The following INTS13 variants were observed in gnomAD, a reference collection of about 807,000 sequenced individuals.
The protein encoded by INTS13 is asunder, spermatogenesis regulator homolog (Drosphila).
A neutral mutation model predicts 90.2 loss-of-function variants in INTS13; 35 were observed. That is an observed-to-expected ratio of 0.39 (90% confidence interval 0.30 to 0.51). The LOEUF (loss-of-function observed/expected upper bound fraction) is 0.51, where lower values mean the gene tolerates loss of function less well. Among genes scored for constraint, INTS13 ranks in the 20% least tolerant of loss-of-function variants. The pLI is 0.80. For missense variants in INTS13, 601 were observed against 851.2 expected, an observed-to-expected ratio of 0.71 and a Z score of 3.66; for synonymous variants, 309 against 277.1, an observed-to-expected ratio of 1.11 and a Z score of -1.14.
chr12:26,934,661 C>G, intron 2 of INTS13, 31 bp from the exon 3 acceptor site: 1 of 1,464,836 alleles, frequency 6.8e-7, no homozygotes, highest in Non-Finnish European at 9.5e-7. Context: ...AATTAGTATT[C>G]AACTCTAATT....
At chr12:26,914,662 G>T in intron 11 of INTS13, 84 bp from the exon 12 acceptor site, 1 of 1,142,688 alleles carries the variant, frequency 8.8e-7, no homozygotes, top group Non-Finnish European at 1.2e-6. Context: ...TTTCCCTGAT[G>T]TCTTCTGTCC....
chr12:26,911,184 A>C lies in INTS13; in HGVS notation c.1939T>G (p.Ser647Ala), dbSNP rs1454453897. The C allele has an allele frequency of 1.9e-6, 3 of 1,612,222 alleles. No homozygotes were observed. The highest frequency in any genetic ancestry group is 2.5e-6 in the Non-Finnish European group (3 of 1,179,534). Residue 647 changes from serine to alanine, a missense_variant, in exon 15 of 17, where the codon TCA (serine) becomes GCA (alanine). Coordinates refer to ENST00000261191, the MANE Select transcript of INTS13 (RefSeq NM_018164.3). ...TACCACAGCTGTACCTTACCTTTTG[A>C]TTTTTCCACTTGTGGAGTTTCATCC... ...EMDETPQVEKSKGPVSLLSLW... is the reference protein window; with the variant it reads ...EMDETPQVEKAKGPVSLLSLW...
chr12:26,920,642 CTTAGCCT>C (rs1313392294), intron 8 of INTS13, among the ~76,000 whole-genome samples: 3 of 152,190 alleles, frequency 2.0e-5, no homozygotes, highest in East Asian at 3.9e-4. Flanking sequence ...ATCCACCTGC[CTTAGCCT>C]CCCAAAGTGC....
Position 26,916,035 on chromosome 12 carries a change from T to A in INTS13, c.1215A>T (p.Gly405=). 1 of 1,613,506 alleles carries A rather than the reference T, an allele frequency of 6.2e-7. No individual in the cohort carries two copies. Residue 405 remains glycine (G), a synonymous_variant, in exon 11 of 17, where the codon GGA becomes GGT. Coordinates refer to ENST00000261191, the MANE Select transcript of INTS13 (RefSeq NM_018164.3). ...GGTAGTCTGTAACTCTTCCTCCACA[T>A]CCTTCACTAATTGAAGGTGGATCTT... is the stretch of plus-strand genomic sequence containing the variant. ...ILEDPPSISE[G]CGGRVTDYRI...
intron 14 of INTS13, among the ~76,000 whole-genome samples, chr12:26,913,105 T>C (rs895585458): frequency 2.0e-5 from 3 of 152,150 alleles, no homozygotes; most frequent in Non-Finnish European, 2.9e-5. Flanking sequence ...GCCAAATGCC[T>C]GGCACATCAT....
intron 14 of INTS13, 49 bp downstream of exon 14, chr12:26,913,408 G>T: frequency 7.4e-7 from 1 of 1,342,694 alleles, no homozygotes. Context: ...TATGCAGAAT[G>T]TGATATAACA....
chr12:26,929,279 T>G (rs1938058178), intron 3 of INTS13, among the ~76,000 whole-genome samples: 1 of 152,128 alleles, frequency 6.6e-6, no homozygotes, highest in South Asian at 2.1e-4. Context: ...AGGACACCTA[T>G]GAAAAACCTA....
At chr12:26,913,794 T>A (rs1276642295) in intron 13 of INTS13, 107 bp from the exon 14 acceptor site, 1 of 1,172,408 alleles carries the variant, frequency 8.5e-7, no homozygotes, top group Non-Finnish European at 1.2e-6. Flanking sequence ...TCTTACTTGG[T>A]ACTTAATAGT....
chr12:26,933,685 C>T (rs1938316479), intron 3 of INTS13, among the ~76,000 whole-genome samples: 1 of 152,032 alleles, frequency 6.6e-6, no homozygotes, highest in South Asian at 2.1e-4. Context: ...GTGCAGTGGG[C>T]CTAGAAAGCA....
chr12:26,913,906 G>C, intron 13 of INTS13, 68 bp downstream of exon 13: 1 of 1,418,952 alleles, frequency 7.0e-7, no homozygotes, highest in Non-Finnish European at 9.6e-7. Flanking sequence ...TATGGAATAA[G>C]TTATCTTGAG....
intron 11 of INTS13, among the ~76,000 whole-genome samples, chr12:26,915,568 ATC>A (rs1424390823): frequency 6.6e-6 from 1 of 152,194 alleles, no homozygotes; most frequent in South Asian, 2.1e-4. Context: ...AGAATGAAAA[ATC>A]AAGATTAGAA....
At chr12:26,927,159 T>G (rs1937921424) in intron 5 of INTS13, among the ~76,000 whole-genome samples, 3 of 152,236 alleles carry the variant, frequency 2.0e-5, no homozygotes, top group African/African-American at 7.2e-5. Flanking sequence ...AAAACTGAAG[T>G]GTTTCCCTGA....
intron 11 of INTS13, among the ~76,000 whole-genome samples, chr12:26,915,576 T>C (rs1444492122): frequency 6.6e-6 from 1 of 152,086 alleles, no homozygotes; most frequent in African/African-American, 2.4e-5. Flanking sequence ...AAATCAAGAT[T>C]AGAACAGAAT....
chr12:26,920,502 G>A (rs1592213920), intron 8 of INTS13, among the ~76,000 whole-genome samples: 2 of 151,682 alleles, frequency 1.3e-5, no homozygotes, highest in East Asian at 2.0e-4. Flanking sequence ...GGGTTCAAGC[G>A]ATTCCCCTGC....
intron 3 of INTS13, among the ~76,000 whole-genome samples, chr12:26,930,433 C>A (rs77418727): frequency 1.1e-4 from 16 of 152,144 alleles, no homozygotes; most frequent in Admixed American, 5.2e-4. Context: ...GGTACTGGCA[C>A]AAGATAGACA....
At chr12:26,931,611 A>T (rs117298912) in intron 3 of INTS13, among the ~76,000 whole-genome samples, 3 of 152,342 alleles carry the variant, frequency 2.0e-5, no homozygotes, top group East Asian at 1.9e-4. Flanking sequence ...GTTCACATTC[A>T]TCAGGGAAGG....
Position 26,913,863 on chromosome 12 carries a change from T to C in INTS13, c.1574+111A>G, listed in dbSNP as rs910877173. ...ATTTTGTATTATTTCATCTCAAATA[T>C]ATATATAAACATGTCCTCAAATAGA... is the stretch of plus-strand genomic sequence containing the variant. On this transcript the variant is annotated intron_variant, in intron 13 of 16. Transcript: ENST00000261191. 25 of 1,166,256 alleles carry C rather than the reference T, an allele frequency of 2.1e-5. No homozygotes were observed. The African/African-American group carries it at 3.5e-4, about 16-fold the overall frequency. The allele number at this position is 1,166,256 out of a possible 1,614,324, so 72.2% of individuals were successfully genotyped here. A position where few individuals can be genotyped will look rare whatever the true frequency, so the allele number is the denominator to read the frequency against.
intron 5 of INTS13, 60 bp downstream of exon 5, chr12:26,928,145 T>G: frequency 8.1e-7 from 1 of 1,235,040 alleles, no homozygotes; most frequent in African/African-American, 1.5e-5. Context: ...TTATTGGAAA[T>G]AATTATAACA....
intron 2 of INTS13, among the ~76,000 whole-genome samples, chr12:26,935,031 C>T (rs1053987748): frequency 1.3e-5 from 2 of 152,200 alleles, no homozygotes; most frequent in East Asian, 1.9e-4. Context: ...CAATCCAAAA[C>T]CAGCCACCGT....
Sources: allele counts gnomAD v4.1 joint callset (sites outside exome capture counted in the v4.1 genomes callset), GRCh38; gene constraint gnomAD v4.1.1; transcripts MANE v1.5; gene names NCBI Gene and HGNC (gene_info 2026-07-23, HGNC 2026-07-21).